The following PCDHGA7 variants were observed in gnomAD, a reference collection of about 807,000 sequenced individuals.
PCDHGA7 encodes protocadherin gamma subfamily A, 7.
Under a neutral mutation model 58.3 loss-of-function variants are expected in PCDHGA7, and 44 were observed. The observed-to-expected ratio is 0.75, with a 90% confidence interval of 0.59 to 0.97. The LOEUF (loss-of-function observed/expected upper bound fraction) is 0.97. Ranked by LOEUF, PCDHGA7 falls within the 50% of genes least tolerant of loss-of-function variation. PCDHGA7 has a pLI of 0.00. For missense variants in PCDHGA7, 1,266 were observed against 1,188.7 expected (o/e 1.06, Z -0.96); for synonymous variants, 516 against 504.2 (o/e 1.02, Z -0.31).
chr5:141,497,197 A>G (rs1243476120), intron 2 of PCDHGA7, among the ~76,000 whole-genome samples: 2 of 106,804 alleles, frequency 1.9e-5, no homozygotes, highest in African/African-American at 5.7e-5. Flanking sequence ...GCAGAGAACA[A>G]TGTGAGTGTA....
At chr5:141,478,074 A>G in intron 1 of PCDHGA7, 1 of 1,614,090 alleles carries the variant, frequency 6.2e-7, no homozygotes, top group Non-Finnish European at 8.5e-7. Context: ...GACAATGGGG[A>G]GCCTTCGCTC....
Position 141,432,205 on chromosome 5 carries a change from A to G in PCDHGA7, c.2424+46882A>G, listed in dbSNP as rs764567227. 1 of 1,614,180 alleles carries G rather than the reference A, an allele frequency of 6.2e-7. No individual in the cohort carries two copies. Among genetic ancestry groups the G allele is most frequent in the South Asian group, 1.1e-5 (1 of 91,074 alleles). On this transcript the variant is annotated intron_variant, in intron 1 of 3. Transcript: ENST00000518325. This position sits in a 1 kb window ranked among gnomAD's most constrained non-coding sequence, Gnocchi z 6.0. The stretch of plus-strand genomic sequence containing the variant: ...TGACCGCCCACGACCCCGACTGTGA[A>G]GAGAACGCCCAGATCACTTATTCCC...
intron 1 of PCDHGA7, among the ~76,000 whole-genome samples, chr5:141,425,482 C>T (rs1257043728): frequency 6.6e-6 from 1 of 152,192 alleles, no homozygotes; most frequent in Non-Finnish European, 1.5e-5. Context: ...CCTATGGCAA[C>T]CTACTAGGCT....
intron 1 of PCDHGA7, chr5:141,479,478 G>T (rs760475025): frequency 2.6e-5 from 4 of 152,408 alleles, no homozygotes; most frequent in African/African-American, 9.6e-5. Context: ...TCTTGGGAGG[G>T]CAGGACCATC....
At chr5:141,396,015 T>C (rs1243437259) in intron 1 of PCDHGA7, 1 of 152,252 alleles carries the variant, frequency 6.6e-6, no homozygotes, top group South Asian at 2.1e-4. Context: ...AAAGTGACTT[T>C]TGTAAAATAT....
chr5:141,491,414 G>T lies in PCDHGA7; in HGVS notation c.2425-3393G>T, dbSNP rs137987971. ...CTTCAGGGAAACGCAGACGGGGACGGGGGTGGAGGGCAGTGCTGCAGGCGC... is the reference window on the plus strand; with the variant it reads ...CTTCAGGGAAACGCAGACGGGGACGTGGGTGGAGGGCAGTGCTGCAGGCGC... On this transcript the variant is annotated intron_variant, in intron 1 of 3. Coordinates refer to ENST00000518325, the MANE Select transcript of PCDHGA7 (RefSeq NM_018920.4). The surrounding 1 kb of genome is among the most constrained non-coding windows in gnomAD (Gnocchi z 6.9). 1.9e-6 allele frequency: 3 copies of T among 1,614,008 alleles called. No homozygotes were observed. Among genetic ancestry groups the T allele is most frequent in the Non-Finnish European group, 2.5e-6 (3 of 1,180,030 alleles).
chr5:141,418,228 T>C, intron 1 of PCDHGA7: 2 of 1,613,990 alleles, frequency 1.2e-6, no homozygotes, highest in Non-Finnish European at 1.7e-6. Context: ...TTGTGGTGAT[T>C]GAGGATGTTA....
chr5:141,492,579 G>T (rs547852117), intron 1 of PCDHGA7, among the ~76,000 whole-genome samples: 2 of 152,356 alleles, frequency 1.3e-5, no homozygotes, highest in East Asian at 1.9e-4. Context: ...GAGGCGCGGG[G>T]CCAGGAGCGC....
intron 1 of PCDHGA7, chr5:141,409,494 C>G (rs755680835): frequency 6.2e-7 from 1 of 1,614,028 alleles, no homozygotes; most frequent in Non-Finnish European, 8.5e-7. Flanking sequence ...GGCAAGCCGC[C>G]TCTTTCTTCC....
chr5:141,404,071 C>T, intron 1 of PCDHGA7: 2 of 1,613,734 alleles, frequency 1.2e-6, no homozygotes, highest in Non-Finnish European at 1.7e-6. Context: ...ATGCTCATGA[C>T]CGAGACTCCG....
intron 1 of PCDHGA7, among the ~76,000 whole-genome samples, chr5:141,481,184 C>A (rs2099533291): frequency 6.6e-6 from 1 of 152,146 alleles, no homozygotes; most frequent in African/African-American, 2.4e-5. Flanking sequence ...CTTTATTGGG[C>A]CAGGCCCAAT....
chr5:141,485,344 C>G lies in PCDHGA7; in HGVS notation c.2425-9463C>G. On this transcript the variant is annotated intron_variant, in intron 1 of 3. Coordinates refer to ENST00000518325, the MANE Select transcript of PCDHGA7 (RefSeq NM_018920.4). This position sits in a 1 kb window ranked among gnomAD's most constrained non-coding sequence, Gnocchi z 5.7. ...CTCAAGATTTCCTGCTGGATACGGA[C>G]AGTCTGTCAGCTCGCAGGCTGCAGG... 6.2e-7 allele frequency: 1 copy of G among 1,614,116 alleles called. No individual in the cohort carries two copies. The highest frequency in any genetic ancestry group is 8.5e-7 in the Non-Finnish European group (1 of 1,180,004).
intron 1 of PCDHGA7, chr5:141,414,036 A>G: frequency 6.2e-7 from 1 of 1,612,018 alleles, no homozygotes; most frequent in South Asian, 1.1e-5. Context: ...CATTCCGAAA[A>G]TTACCTGACA....
chr5:141,385,520 G>A, intron 1 of PCDHGA7, 197 bp downstream of exon 1: 1 of 1,359,080 alleles, frequency 7.4e-7, no homozygotes, highest in African/African-American at 1.5e-5. Flanking sequence ...GAAAGCCTAT[G>A]GACAAGATTA....
intron 1 of PCDHGA7, chr5:141,423,692 G>T: frequency 7.1e-7 from 1 of 1,405,756 alleles, no homozygotes; most frequent in Non-Finnish European, 9.4e-7. Context: ...CCTAATTGTT[G>T]GTGTCTTGGC....
chr5:141,422,344 C>G, intron 1 of PCDHGA7: 1 of 1,550,890 alleles, frequency 6.4e-7, no homozygotes, highest in Non-Finnish European at 8.7e-7. Flanking sequence ...TCTAAATGTG[C>G]AAGATCAAGA....
intron 1 of PCDHGA7, chr5:141,391,305 T>TC (rs1349412285): frequency 6.6e-6 from 1 of 151,546 alleles, no homozygotes; most frequent in African/African-American, 2.4e-5. Flanking sequence ...GTCTTTCGAT[T>TC]CTTTTTTTTT....
At chr5:141,417,700 A>G in intron 1 of PCDHGA7, 1 of 1,180,094 alleles carries the variant, frequency 8.5e-7, no homozygotes, top group Admixed American at 3.0e-5. Flanking sequence ...ACCAGCTCCC[A>G]CACAGAGGCT....
Position 141,431,354 on chromosome 5 carries a change from G to A in PCDHGA7, c.2424+46031G>A, listed in dbSNP as rs777198567. On this transcript the variant is annotated intron_variant, in intron 1 of 3. Coordinates refer to ENST00000518325, the MANE Select transcript of PCDHGA7 (RefSeq NM_018920.4). This position sits in a 1 kb window ranked among gnomAD's most constrained non-coding sequence, Gnocchi z 4.8. ...GTACCCCGAATTGGTGCTGAAACGC[G>A]CCCTGGACCGCGAAGAAAAGGCTGC... is the stretch of plus-strand genomic sequence containing the variant. 1 of 1,614,036 alleles carries A rather than the reference G, an allele frequency of 6.2e-7. No homozygotes were observed. Among genetic ancestry groups the A allele is most frequent in the South Asian group, 1.1e-5 (1 of 91,086 alleles).
Sources: gnomAD v4.1 joint callset for allele counts (sites outside exome capture counted in the v4.1 genomes callset) on GRCh38, gnomAD v4.1.1 for gene constraint, Gnocchi (gnomAD v3.1) non-coding constraint, MANE v1.5 for transcripts, NCBI Gene and HGNC (gene_info 2026-07-23, HGNC 2026-07-21) for gene names.